The following ZNF804B variants were observed in gnomAD, a reference collection of about 807,000 sequenced individuals.
The protein encoded by ZNF804B is zinc finger protein 804B.
ZNF804B carries 80 observed loss-of-function variants against 101.4 expected under a neutral mutation model. The ratio of observed to expected loss-of-function variants is 0.79; its 90% confidence interval spans 0.66 to 0.95. ZNF804B has a LOEUF of 0.95. Among genes scored for constraint, ZNF804B ranks in the 40% least tolerant of loss-of-function variants. The probability of loss-of-function intolerance (pLI) is 0.00; values close to 1 mark genes in which losing one functional copy is unlikely to be tolerated. For synonymous variants in ZNF804B, 622 were observed against 558.8 expected, an observed-to-expected ratio of 1.11 and a Z score of -1.59; for missense variants, 1,673 against 1,561.9, an observed-to-expected ratio of 1.07 and a Z score of -1.20.
chr7:88,881,101 TAA>T (rs1158997015), intron 1 of ZNF804B, among the ~76,000 whole-genome samples: 4 of 152,112 alleles, frequency 2.6e-5, no homozygotes, highest in Non-Finnish European at 5.9e-5. Flanking sequence ...TCATCATTAT[TAA>T]ATTATTGTGG....
chr7:89,107,878 A>G (rs10242213), intron 1 of ZNF804B, among the ~76,000 whole-genome samples: 94,585 of 151,940 alleles, frequency 0.62, 30,368 homozygotes, highest in African/African-American at 0.79. Flanking sequence ...GGTTCTATGC[A>G]GGCTGGGGAA....
chr7:88,811,172 C>A (rs552173798), intron 1 of ZNF804B, among the ~76,000 whole-genome samples: 1 of 152,190 alleles, frequency 6.6e-6, no homozygotes, highest in Admixed American at 6.5e-5. Flanking sequence ...TAGCAAAGAT[C>A]CTGCCATTAC....
At chr7:89,101,754 C>T (rs1040221965) in intron 1 of ZNF804B, among the ~76,000 whole-genome samples, 3 of 151,876 alleles carry the variant, frequency 2.0e-5, no homozygotes, top group African/African-American at 7.2e-5. Context: ...CTTGTTTATA[C>T]ATGGATATTA....
intron 1 of ZNF804B, among the ~76,000 whole-genome samples, chr7:89,135,887 A>C (rs1205669136): frequency 6.6e-6 from 1 of 152,116 alleles, no homozygotes; most frequent in Non-Finnish European, 1.5e-5. Context: ...ATTTCTAAAC[A>C]CATTTGAGAC....
At chr7:89,103,258 A>G (rs1396382987) in intron 1 of ZNF804B, among the ~76,000 whole-genome samples, 2 of 149,404 alleles carry the variant, frequency 1.3e-5, no homozygotes, top group East Asian at 3.9e-4. Context: ...TCAAATTCTG[A>G]GAAAAATGAT....
intron 1 of ZNF804B, among the ~76,000 whole-genome samples, chr7:89,212,083 G>A (rs1245719820): frequency 6.6e-6 from 1 of 152,010 alleles, no homozygotes; most frequent in Non-Finnish European, 1.5e-5. Flanking sequence ...TGTATTCCTA[G>A]GTATTTTATT....
intron 1 of ZNF804B, among the ~76,000 whole-genome samples, chr7:89,115,904 GTTTTTTTT>G (rs112266242): frequency 6.8e-6 from 1 of 146,056 alleles, no homozygotes; most frequent in Non-Finnish European, 1.5e-5. Context: ...AGGTTTTTTT[GTTTTTTTT>G]TTTCTTTTTT....
At chr7:88,953,955 G>A (rs555795871) in intron 1 of ZNF804B, among the ~76,000 whole-genome samples, 1 of 151,582 alleles carries the variant, frequency 6.6e-6, no homozygotes, top group African/African-American at 2.4e-5. Context: ...TCACCTCTGT[G>A]GATATTTTTG....
intron 2 of ZNF804B, among the ~76,000 whole-genome samples, chr7:89,220,463 C>G (rs1788986693): frequency 6.6e-6 from 1 of 151,716 alleles, no homozygotes; most frequent in Non-Finnish European, 1.5e-5. Context: ...TGAAAAATTT[C>G]AAACGTATAT....
Position 89,143,129 on chromosome 7 carries a change from A to G in ZNF804B, c.109-75026A>G, listed in dbSNP as rs578177794. Among the ~76,000 whole-genome samples the G allele has an allele frequency of 2.0e-4, 30 of 151,944 alleles. No individual in the cohort carries two copies. The South Asian group carries it at 4.2e-3, about 21-fold the overall frequency. ...ATACATAGCTAAAATTAAACTGTAC[A>G]TGTTTTTACCCATAATTTGTTAAGA... On this transcript the variant is annotated intron_variant, in intron 1 of 3. Coordinates refer to ENST00000333190, the MANE Select transcript of ZNF804B (RefSeq NM_181646.5).
At chr7:88,881,894 G>C (rs1301258357) in intron 1 of ZNF804B, among the ~76,000 whole-genome samples, 1 of 152,140 alleles carries the variant, frequency 6.6e-6, no homozygotes, top group Non-Finnish European at 1.5e-5. Context: ...CAACTGTTAT[G>C]TCTTATCTTA....
chr7:89,150,080 G>A (rs527431703), intron 1 of ZNF804B, among the ~76,000 whole-genome samples: 113 of 151,942 alleles, frequency 7.4e-4, no homozygotes, highest in African/African-American at 2.5e-3. Context: ...TAAATTCCAC[G>A]CCATTTTCAG....
intron 1 of ZNF804B, among the ~76,000 whole-genome samples, chr7:88,849,633 G>C (rs903734176): frequency 6.6e-6 from 1 of 151,496 alleles, no homozygotes; most frequent in African/African-American, 2.4e-5. Flanking sequence ...CCAAGTAACT[G>C]AGATCACAGG....
At chr7:89,225,564 T>A (rs979636199) in intron 2 of ZNF804B, among the ~76,000 whole-genome samples, 1 of 152,064 alleles carries the variant, frequency 6.6e-6, no homozygotes, top group African/African-American at 2.4e-5. Flanking sequence ...AACTTGGTTT[T>A]TAGAGTAGAC....
chr7:89,109,170 A>G (rs1034466298), intron 1 of ZNF804B, among the ~76,000 whole-genome samples: 2 of 152,150 alleles, frequency 1.3e-5, no homozygotes, highest in Non-Finnish European at 2.9e-5. Flanking sequence ...GATCATGGCA[A>G]ATGATTTGAC....
At chr7:89,100,605 A>G (rs1195147640) in intron 1 of ZNF804B, among the ~76,000 whole-genome samples, 1 of 152,132 alleles carries the variant, frequency 6.6e-6, no homozygotes, top group Non-Finnish European at 1.5e-5. Context: ...AGGTGTTCAA[A>G]CTACTCAATA....
intron 2 of ZNF804B, among the ~76,000 whole-genome samples, chr7:89,285,835 G>GT (rs1790188475): frequency 6.6e-6 from 1 of 152,128 alleles, no homozygotes; most frequent in Non-Finnish European, 1.5e-5. Context: ...CCAGCTGCCA[G>GT]TTTTTGTTTT....
chr7:89,274,022 A>G (rs1287291048), intron 2 of ZNF804B, among the ~76,000 whole-genome samples: 2 of 152,030 alleles, frequency 1.3e-5, no homozygotes, highest in Non-Finnish European at 2.9e-5. Flanking sequence ...AAGAGTAGAC[A>G]TACTAAAAAT....
intron 1 of ZNF804B, among the ~76,000 whole-genome samples, chr7:88,973,980 C>T (rs1307597099): frequency 6.6e-6 from 1 of 151,146 alleles, no homozygotes; most frequent in Non-Finnish European, 1.5e-5. Flanking sequence ...AGTACAAAGC[C>T]CTGAGTTTAT....
Sources: allele counts gnomAD v4.1 joint callset (sites outside exome capture counted in the v4.1 genomes callset), GRCh38; gene constraint gnomAD v4.1.1; transcripts MANE v1.5; gene names NCBI Gene and HGNC (gene_info 2026-07-23, HGNC 2026-07-21).